Variants in NUP88 observed in about 807,000 individuals in gnomAD.
NUP88 encodes nuclear pore complex protein Nup88.
In NUP88, 57 loss-of-function variants were observed where a neutral mutation model predicts 93.9. That is an observed-to-expected ratio of 0.61 (90% CI 0.49 to 0.76). NUP88 has a LOEUF of 0.76. NUP88 is among the 30% of genes least tolerant of loss of function. NUP88 has a pLI of 0.00. For synonymous variants in NUP88, 346 were observed against 336.8 expected (o/e 1.03, Z -0.30); for missense variants, 911 against 901.0 (o/e 1.01, Z -0.14).
At chr17:5,400,140 T>TAAAAAAAAAA (rs1280995996) in intron 7 of NUP88, among the ~76,000 whole-genome samples, 2 of 120,632 alleles carry the variant, frequency 1.7e-5, no homozygotes, top group African/African-American at 3.1e-5. Flanking sequence ...TTTCATTTGT[T>TAAAAAAAAAA]AAAAAAAAAA....
In NUP88 at chr17:5,387,874, A is replaced by T; in HGVS notation, c.1674T>A (p.Pro558=). 5 of 1,613,912 alleles carry T rather than the reference A, an allele frequency of 3.1e-6. No individual in the cohort carries two copies. The highest frequency in any genetic ancestry group is 4.2e-6 in the Non-Finnish European group (5 of 1,179,792). The part of the protein sequence containing the change: ...KASEKDIAPP[P]EECLQLLSRA... ...TGCTGAGGAGCTGAAGGCATTCTTCAGGAGGAGGGGCTATGTCCTTTTCAG... is the reference window on the plus strand; with the variant it reads ...TGCTGAGGAGCTGAAGGCATTCTTCTGGAGGAGGGGCTATGTCCTTTTCAG... The change falls in exon 12 of 17, where the codon CCT becomes CCA. Residue 558 remains proline (P), a synonymous_variant. Transcript: ENST00000573584.
intron 7 of NUP88, among the ~76,000 whole-genome samples, chr17:5,400,291 G>A (rs1255425055): frequency 6.6e-6 from 1 of 151,970 alleles, no homozygotes; most frequent in Non-Finnish European, 1.5e-5. Context: ...AAGGTCAGGA[G>A]TTCGAGACCA....
chr17:5,410,053 A>C (rs1913739930), intron 4 of NUP88, among the ~76,000 whole-genome samples: 1 of 152,222 alleles, frequency 6.6e-6, no homozygotes, highest in African/African-American at 2.4e-5. Flanking sequence ...CTGGGAAATC[A>C]ATGGGGTATG....
In NUP88 at chr17:5,416,516, C is replaced by A. The variant is rs766798063; in HGVS notation, c.464G>T (p.Cys155Phe). 1 of 1,603,994 alleles carries A rather than the reference C, an allele frequency of 6.2e-7. No homozygotes were observed. The highest frequency in any genetic ancestry group is 8.5e-7 in the Non-Finnish European group (1 of 1,174,626). The change falls in exon 2 of 17, where the codon TGT (cysteine) becomes TTT (phenylalanine). Residue 155 changes from cysteine (C) to phenylalanine (F), a missense_variant. Coordinates refer to ENST00000573584, the MANE Select transcript of NUP88 (RefSeq NM_002532.6). ...AGATAAATAGTATACAACTTACCTA[C>A]AATTCACTGTTGATTTTCCACCTTC... is the stretch of plus-strand genomic sequence containing the variant. ...EFEGGKSTVNCSTTPVAERFF... is the reference protein window; with the variant it reads ...EFEGGKSTVNFSTTPVAERFF...
In NUP88 at chr17:5,416,949, G is replaced by A. The variant is rs201005076; in HGVS notation, c.298-267C>T. On this transcript the variant is annotated intron_variant, in intron 1 of 16. Coordinates refer to ENST00000573584, the MANE Select transcript of NUP88 (RefSeq NM_002532.6). The stretch of plus-strand genomic sequence containing the variant: ...TGTCCTCCCCACCTCAGCTTCCAGA[G>A]GAGCTGGGACTACAGGTGTGCACCA... Among the ~76,000 whole-genome samples the A allele has an allele frequency of 4.6e-5, 7 of 151,784 alleles. No individual in the cohort carries two copies. In the East Asian group the frequency reaches 1.2e-3, roughly 25 times the overall value.
At chr17:5,418,547 C>T (rs1231968799) in intron 1 of NUP88, among the ~76,000 whole-genome samples, 4 of 152,164 alleles carry the variant, frequency 2.6e-5, no homozygotes, top group Non-Finnish European at 5.9e-5. Context: ...CCACCGCGCC[C>T]GGCCTTCATA....
At chr17:5,388,740 A>G in intron 11 of NUP88, 62 bp downstream of exon 11, 5 of 1,415,538 alleles carry the variant, frequency 3.5e-6, no homozygotes, top group Non-Finnish European at 4.9e-6. Context: ...GAAAGGATGC[A>G]CAGTAATTCT....
intron 10 of NUP88, 160 bp downstream of exon 10, chr17:5,391,401 G>A: frequency 3.3e-6 from 2 of 604,948 alleles, no homozygotes; most frequent in South Asian, 4.0e-5. Context: ...TTATAGAGAT[G>A]ATGGCAGGAA....
chr17:5,415,939 G>A (rs1914108250), intron 2 of NUP88, among the ~76,000 whole-genome samples: 1 of 151,778 alleles, frequency 6.6e-6, no homozygotes, highest in South Asian at 2.1e-4. Flanking sequence ...GAGGTCAGGA[G>A]TTCAAGACCA....
In NUP88 at chr17:5,410,761, G is replaced by C. The variant is rs756510982; in HGVS notation, c.622C>G (p.Pro208Ala). Residue 208 changes from proline to alanine, a missense_variant, in exon 4 of 17, where the codon CCC becomes GCC. Physicochemically the swap from Pro to Ala is conservative, Grantham distance 27. Transcript: ENST00000573584. ...RIYSLREPQT[P>A]TNVIILSEAE... is the part of the protein sequence containing the mutation. ...TCTGAAAGTATTATCACGTTAGTGG[G>C]TGTCTGCGGCTCACGTAGTGAGTAA... The C allele has an allele frequency of 1.2e-6, 2 of 1,612,630 alleles. No individual in the cohort carries two copies. Among genetic ancestry groups the C allele is most frequent in the Non-Finnish European group, 1.7e-6 (2 of 1,178,924 alleles).
chr17:5,385,559 T>A lies in NUP88; in HGVS notation c.*647A>T, dbSNP rs1911886932. The stretch of plus-strand genomic sequence containing the variant: ...AAATCACATTCTGCATACTAACCTA[T>A]TTTTTTCTCCCTTTAAGGTGCTAAA... On this transcript the variant is annotated 3_prime_UTR_variant, in exon 17 of 17. Transcript: ENST00000573584. 4.3e-6 allele frequency: 1 copy of A among 230,530 alleles called. No individual in the cohort carries two copies. Among genetic ancestry groups the A allele is most frequent in the Non-Finnish European group, 8.6e-6 (1 of 116,498 alleles). 14.3% of individuals were successfully genotyped at this position (230,530 alleles called of 1,614,324 possible). A position where few individuals can be genotyped will look rare whatever the true frequency, so the allele number is the denominator to read the frequency against.
chr17:5,385,939 G>T lies in NUP88; in HGVS notation c.*267C>A. ...GCTCAAATATGGAGAAAACTCAATA[G>T]GGTTCAGGGAGGTTCTGGCAGTGTG... is the stretch of plus-strand genomic sequence containing the variant. On this transcript the variant is annotated 3_prime_UTR_variant, in exon 17 of 17. Coordinates refer to ENST00000573584, the MANE Select transcript of NUP88 (RefSeq NM_002532.6). The T allele has an allele frequency of 2.6e-6, 1 of 387,354 alleles. No individual in the cohort carries two copies. The highest frequency in any genetic ancestry group is 4.6e-6 in the Non-Finnish European group (1 of 219,108). 24.0% of individuals were successfully genotyped at this position (387,354 alleles called of 1,614,324 possible). A position where few individuals can be genotyped will look rare whatever the true frequency, so the allele number is the denominator to read the frequency against.
intron 9 of NUP88, among the ~76,000 whole-genome samples, chr17:5,393,433 TTC>T (rs1912569227): frequency 6.7e-6 from 1 of 149,178 alleles, no homozygotes; most frequent in African/African-American, 2.5e-5. Context: ...TTGTTCACTT[TTC>T]TTTTTTTTTT....
intron 5 of NUP88, among the ~76,000 whole-genome samples, chr17:5,408,340 C>T (rs1913615127): frequency 6.6e-6 from 1 of 152,148 alleles, no homozygotes; most frequent in South Asian, 2.1e-4. Context: ...TGTCTGTGTA[C>T]CAATACTGTG....
Position 5,414,145 on chromosome 17 carries a change from GATA to G in NUP88, c.468-14_468-12del, listed in dbSNP as rs1357792787. ...GCAACTGGAGTGGTACTAAAATAAA[GATA>G]ATAATTTTCCAAAACATTTTGTACA... On this transcript the variant is annotated splice_polypyrimidine_tract_variant and intron_variant, in intron 2 of 16. Transcript: ENST00000573584. 6.2e-7 allele frequency: 1 copy of G among 1,608,080 alleles called. No individual in the cohort carries two copies. Among genetic ancestry groups the G allele is most frequent in the Non-Finnish European group, 8.5e-7 (1 of 1,177,084 alleles).
Position 5,399,753 on chromosome 17 carries a change from T to A in NUP88, c.1193-103A>T, listed in dbSNP as rs781355801. 8.0e-5 allele frequency: 44 copies of A among 550,118 alleles called. 2 individuals are homozygous for A. The South Asian group carries it at 1.1e-3, about 14-fold the overall frequency. The allele number at this position is 550,118 out of a possible 1,614,324, so 34.1% of individuals were successfully genotyped here. On this transcript the variant is annotated intron_variant, in intron 7 of 16. Coordinates refer to ENST00000573584, the MANE Select transcript of NUP88 (RefSeq NM_002532.6). The stretch of plus-strand genomic sequence containing the variant: ...CCACATTAGCCTACAAACGCATTTG[T>A]TGATGGAAGGTTTTATAAAAGACTT...
At chr17:5,389,082 T>C (rs1912244026) in intron 10 of NUP88, 122 bp from the exon 11 acceptor site, 1 of 701,090 alleles carries the variant, frequency 1.4e-6, no homozygotes, top group Non-Finnish European at 2.2e-6. Flanking sequence ...TTTGTAAAAG[T>C]GCAAGAATGC....
At chr17:5,387,981 T>C in intron 11 of NUP88, 77 bp from the exon 12 acceptor site, 1 of 1,440,540 alleles carries the variant, frequency 6.9e-7, no homozygotes, top group Non-Finnish European at 9.3e-7. Flanking sequence ...AAGTCACAGG[T>C]GCTTTTTAAA....
Position 5,419,472 on chromosome 17 carries a change from A to G in NUP88, c.179T>C (p.Val60Ala), listed in dbSNP as rs112823244. 3.5e-4 allele frequency: 568 copies of G among 1,614,038 alleles called. No homozygotes were observed. In the African/African-American group the frequency reaches 6.4e-3, roughly 18 times the overall value. Residue 60 changes from valine (V) to alanine (A), a missense_variant, in exon 1 of 17, where the codon GTG (valine) becomes GCG (alanine). Transcript: ENST00000573584. ...SPPPQLLTRN[V>A]VFGLGGELFL... ...AAGCTCTCCGCCGAGGCCAAAGACC[A>G]CGTTTCTCGTCAGCAACTGCGGCGG...
Sources: gnomAD v4.1 joint callset for allele counts (sites outside exome capture counted in the v4.1 genomes callset) on GRCh38, gnomAD v4.1.1 for gene constraint, MANE v1.5 for transcripts, NCBI Gene and HGNC (gene_info 2026-07-23, HGNC 2026-07-21) for gene names.